Variants in SRGAP1 observed in about 807,000 individuals in gnomAD.
SRGAP1 encodes the protein SLIT-ROBO Rho GTPase-activating protein 1.
A neutral mutation model predicts 121.9 loss-of-function variants in SRGAP1; 43 were observed. The ratio of observed to expected loss-of-function variants is 0.35; its 90% confidence interval spans 0.28 to 0.46. The LOEUF is 0.46. Among genes scored for constraint, SRGAP1 ranks in the 20% least tolerant of loss-of-function variants. The pLI, the probability that SRGAP1 is intolerant of heterozygous loss-of-function variation, is 1.00. For missense variants in SRGAP1, 1,102 were observed against 1,350.9 expected (o/e 0.82, Z 2.89); for synonymous variants, 447 against 485.4 (o/e 0.92, Z 1.04).
intron 21 of SRGAP1, among the ~76,000 whole-genome samples, chr12:64,138,364 C>A (rs190291023): frequency 1.3e-5 from 2 of 151,810 alleles, no homozygotes; most frequent in African/African-American, 4.8e-5. Flanking sequence ...TTTTGTTTAT[C>A]CATCTGTTGA....
At chr12:63,905,429 A>G (rs2030153634) in intron 1 of SRGAP1, among the ~76,000 whole-genome samples, 1 of 152,210 alleles carries the variant, frequency 6.6e-6, no homozygotes, top group Non-Finnish European at 1.5e-5. Context: ...TGGTCCAACT[A>G]TCTGAACTGC....
intron 1 of SRGAP1, among the ~76,000 whole-genome samples, chr12:63,873,915 G>A (rs1334801062): frequency 6.6e-6 from 1 of 151,718 alleles, no homozygotes; most frequent in Non-Finnish European, 1.5e-5. Context: ...ATGGTCGCAT[G>A]CAGCTACTCA....
Position 64,151,544 on chromosome 12 carries a change from T to C in SRGAP1, c.*8872T>C, listed in dbSNP as rs1323889710. 2.0e-5 allele frequency: 3 copies of C among 152,208 alleles called. No individual in the cohort carries two copies. The highest frequency in any genetic ancestry group is 2.9e-5 in the Non-Finnish European group (2 of 68,032). The allele number at this position is 152,208 out of a possible 1,614,324, so 9.4% of individuals were successfully genotyped here. A position where few individuals can be genotyped will look rare whatever the true frequency, so the allele number is the denominator to read the frequency against. ...ATCACTGGGTCAGAGGATGCAATTA[T>C]CTGTAAGGCTCATGACAAATATTGC... is the stretch of plus-strand genomic sequence containing the variant. On this transcript the variant is annotated 3_prime_UTR_variant, in exon 22 of 22. Coordinates refer to ENST00000355086, the MANE Select transcript of SRGAP1 (RefSeq NM_020762.4).
chr12:63,898,304 G>A (rs148746543), intron 1 of SRGAP1, among the ~76,000 whole-genome samples: 2 of 152,340 alleles, frequency 1.3e-5, no homozygotes, highest in Non-Finnish European at 2.9e-5. Flanking sequence ...GTTATAGAAT[G>A]TAATATAGTA....
intron 1 of SRGAP1, among the ~76,000 whole-genome samples, chr12:63,933,529 C>T (rs930067891): frequency 6.6e-6 from 1 of 152,256 alleles, no homozygotes; most frequent in Non-Finnish European, 1.5e-5. Context: ...AAAAAACCTA[C>T]ACACAAACAC....
At chr12:63,949,432 A>C (rs2032215049) in intron 1 of SRGAP1, among the ~76,000 whole-genome samples, 1 of 129,514 alleles carries the variant, frequency 7.7e-6, no homozygotes, top group South Asian at 2.3e-4. Flanking sequence ...TATTATTATT[A>C]TTATTATTAT....
chr12:64,112,397 T>C (rs1354078272), intron 17 of SRGAP1, among the ~76,000 whole-genome samples: 1 of 152,204 alleles, frequency 6.6e-6, no homozygotes, highest in African/African-American at 2.4e-5. Context: ...CCAAATGTAT[T>C]TTCATTCTTA....
chr12:64,137,322 C>G (rs910225590), intron 21 of SRGAP1, among the ~76,000 whole-genome samples: 12 of 151,828 alleles, frequency 7.9e-5, no homozygotes, highest in African/African-American at 2.7e-4. Flanking sequence ...TGACTAGGCT[C>G]TGCACATGTC....
intron 8 of SRGAP1, 108 bp from the exon 9 acceptor site, chr12:64,078,811 G>C: frequency 9.3e-7 from 1 of 1,080,900 alleles, no homozygotes; most frequent in Non-Finnish European, 1.3e-6. Flanking sequence ...TGTGAATTTG[G>C]CGGGGGCAGG....
intron 6 of SRGAP1, among the ~76,000 whole-genome samples, chr12:64,047,659 C>G (rs1212961071): frequency 6.6e-6 from 1 of 152,112 alleles, no homozygotes; most frequent in Non-Finnish European, 1.5e-5. Flanking sequence ...TTACCTTCCA[C>G]TCATGTCAGT....
At chr12:63,894,830 C>T (rs563583184) in intron 1 of SRGAP1, among the ~76,000 whole-genome samples, 7 of 152,250 alleles carry the variant, frequency 4.6e-5, no homozygotes, top group South Asian at 2.1e-4. Flanking sequence ...CATAGTATTC[C>T]GTGGTGTATA....
intron 15 of SRGAP1, among the ~76,000 whole-genome samples, chr12:64,097,950 TGGGG>T (rs1762914128): frequency 6.6e-6 from 1 of 152,124 alleles, no homozygotes; most frequent in African/African-American, 2.4e-5. Context: ...TTTACTTCAG[TGGGG>T]GCTTTTTGAC....
At chr12:64,027,225 T>G (rs796147700) in intron 4 of SRGAP1, among the ~76,000 whole-genome samples, 4 of 152,244 alleles carry the variant, frequency 2.6e-5, no homozygotes, top group African/African-American at 9.6e-5. Flanking sequence ...AGAGAGATGT[T>G]AAGTACCTTG....
intron 1 of SRGAP1, among the ~76,000 whole-genome samples, chr12:63,916,496 A>G (rs1565949101): frequency 2.0e-5 from 3 of 152,144 alleles, no homozygotes; most frequent in African/African-American, 7.2e-5. Context: ...AGCCAGCTCT[A>G]TACCAGACGC....
At chr12:63,976,442 C>G (rs764737) in intron 1 of SRGAP1, among the ~76,000 whole-genome samples, 1 of 152,336 alleles carries the variant, frequency 6.6e-6, no homozygotes, top group South Asian at 2.1e-4. Context: ...CAGACTCTCA[C>G]TGCATCTTGA....
chr12:64,020,710 G>A (rs2034522742), intron 4 of SRGAP1, among the ~76,000 whole-genome samples: 1 of 151,956 alleles, frequency 6.6e-6, no homozygotes, highest in Admixed American at 6.6e-5. Context: ...AGGCGTGGTG[G>A]CAGGTGCCTG....
At position 64,042,678 on chromosome 12, in the gene SRGAP1, C is replaced by G. The variant is rs1050149366; in HGVS notation, c.490-112C>G. The G allele has an allele frequency of 2.6e-5, 18 of 697,060 alleles. No homozygotes were observed. The African/African-American group carries it at 2.7e-4, about 10-fold the overall frequency. The allele number at this position is 697,060 out of a possible 1,614,324, so 43.2% of individuals were successfully genotyped here. ...CTTTACTGACAATCTGACTTTTCCCCTCTGCCATTTGGAAGGTGGTATGTG... is the reference window on the plus strand; with the variant it reads ...CTTTACTGACAATCTGACTTTTCCCGTCTGCCATTTGGAAGGTGGTATGTG... On this transcript the variant is annotated intron_variant, in intron 4 of 21. Coordinates refer to ENST00000355086, the MANE Select transcript of SRGAP1 (RefSeq NM_020762.4).
intron 3 of SRGAP1, among the ~76,000 whole-genome samples, chr12:64,009,671 G>T (rs996529629): frequency 1.3e-5 from 2 of 152,096 alleles, no homozygotes; most frequent in Non-Finnish European, 2.9e-5. Context: ...GTTTTGTCTT[G>T]ATTTGAAATG....
At chr12:64,014,839 C>G (rs959577425) in intron 3 of SRGAP1, among the ~76,000 whole-genome samples, 5 of 151,992 alleles carry the variant, frequency 3.3e-5, no homozygotes, top group African/African-American at 4.8e-5. Flanking sequence ...TTTTTTGAGA[C>G]AGAGTCTCAC....
Sources: gnomAD v4.1 joint callset for allele counts (sites outside exome capture counted in the v4.1 genomes callset) on GRCh38, gnomAD v4.1.1 for gene constraint, MANE v1.5 for transcripts, NCBI Gene and HGNC (gene_info 2026-07-23, HGNC 2026-07-21) for gene names.